Variants in NR1H3 observed in about 807,000 individuals in gnomAD.
NR1H3 encodes the protein nuclear receptor subfamily 1 group H member 3, also known as oxysterols receptor LXR-alpha.
Under a neutral mutation model 48.1 loss-of-function variants are expected in NR1H3, and 19 were observed. That is an observed-to-expected ratio of 0.40 (90% CI 0.28 to 0.58). The LOEUF is 0.58. NR1H3 is among the 20% of genes least tolerant of loss of function. The pLI is 0.50. For missense variants in NR1H3, 486 were observed against 595.9 expected (o/e 0.82, Z 1.92); for synonymous variants, 232 against 227.3 (o/e 1.02, Z -0.19).
chr11:47,254,366 T>A (rs562304484), upstream of NR1H3, among the ~76,000 whole-genome samples: 1 of 152,314 alleles, frequency 6.6e-6, no homozygotes, highest in South Asian at 2.1e-4. Context: ...CCTGCTGGGC[T>A]GGAGCTTCTG....
upstream of NR1H3, among the ~76,000 whole-genome samples, chr11:47,253,134 C>CGTGTGTGCGTGTGTGTGTGTGTGTGTGT (rs1554980524): frequency 6.8e-6 from 1 of 147,654 alleles, no homozygotes; most frequent in African/African-American, 2.5e-5. Flanking sequence ...AATTTTTGTG[C>CGTGTGTGCGTGTGTGTGTGTGTGTGTGT]GTGTGTGTGT....
intron 1 of NR1H3, among the ~76,000 whole-genome samples, chr11:47,252,095 T>C (rs897061108): frequency 1.3e-5 from 2 of 149,324 alleles, no homozygotes; most frequent in African/African-American, 2.4e-5. Flanking sequence ...TGTAGATAGA[T>C]GGATATGTGG....
At chr11:47,261,119 T>C in intron 4 of NR1H3, 122 bp from the exon 5 acceptor site, 1 of 708,154 alleles carries the variant, frequency 1.4e-6, no homozygotes, top group Admixed American at 2.9e-5. Flanking sequence ...CCCAGTGCTG[T>C]CTGCTTTTCT....
At chr11:47,253,777 G>A (rs1385670279), upstream of NR1H3, among the ~76,000 whole-genome samples, 3 of 152,224 alleles carry the variant, frequency 2.0e-5, no homozygotes, top group Non-Finnish European at 2.9e-5. Context: ...ATCCCCGAGT[G>A]TGTTCCCAGA....
rs367960126 is a variant in NR1H3, at chr11:47,261,344, A to C, written c.603A>C (p.Gln201His). 3 of 1,613,446 alleles carry C rather than the reference A, an allele frequency of 1.9e-6. No homozygotes were observed. Among genetic ancestry groups the C allele is most frequent in the African/African-American group, 2.7e-5 (2 of 74,816 alleles). Residue 201 changes from glutamine to histidine, a missense_variant, in exon 5 of 10, where the codon CAA becomes CAC. Transcript: ENST00000441012. ...SLPPRASSPP[Q>H]ILPQLSPEQL... ...CCCCCAGGGCTTCCTCACCCCCCCA[A>C]ATCCTGCCCCAGCTCAGCCCGGAAC...
In NR1H3 at chr11:47,261,671, T is replaced by G; in HGVS notation, c.833T>G (p.Phe278Cys). ...IVDFAKQLPG[F>C]LQLSREDQIA... Reference sequence around the variant, plus strand: ...GACTTTGCTAAACAGCTACCCGGCTTCCTGCAGCTCAGCCGGGAGGACCAG... The same window carrying G: ...GACTTTGCTAAACAGCTACCCGGCTGCCTGCAGCTCAGCCGGGAGGACCAG... The change falls in exon 6 of 10, where the codon TTC (phenylalanine) becomes TGC (cysteine). Residue 278 changes from phenylalanine (F) to cysteine (C), a missense_variant. Transcript: ENST00000441012. 1 of 1,614,188 alleles carries G rather than the reference T, an allele frequency of 6.2e-7. No individual in the cohort carries two copies. Among genetic ancestry groups the G allele is most frequent in the Non-Finnish European group, 8.5e-7 (1 of 1,180,036 alleles).
intron 1 of NR1H3, 159 bp from the exon 2 acceptor site, chr11:47,259,021 A>G: frequency 1.5e-6 from 2 of 1,307,684 alleles, no homozygotes; most frequent in East Asian, 2.6e-5. Flanking sequence ...TAAAAAACAT[A>G]ATAGTAATAT....
At chr11:47,259,121 G>T in intron 1 of NR1H3, 59 bp from the exon 2 acceptor site, 1 of 1,604,706 alleles carries the variant, frequency 6.2e-7, no homozygotes, top group South Asian at 1.1e-5. Context: ...GTGGAGAAGG[G>T]AGCTGAGGCC....
chr11:47,252,386 C>T (rs1158668992), intron 1 of NR1H3, among the ~76,000 whole-genome samples: 1 of 151,912 alleles, frequency 6.6e-6, no homozygotes. Flanking sequence ...CTCAGCCTCC[C>T]GAGTAGCTGG....
chr11:47,248,913 C>T (rs1312414792), upstream of NR1H3: 2 of 1,540,590 alleles, frequency 1.3e-6, no homozygotes. Flanking sequence ...ACTTAGGGAC[C>T]TGCTGGGGTG....
At chr11:47,259,029 T>C in intron 1 of NR1H3, 151 bp from the exon 2 acceptor site, 1 of 1,344,610 alleles carries the variant, frequency 7.4e-7, no homozygotes, top group Non-Finnish European at 9.9e-7. Context: ...ATAATAGTAA[T>C]ATAATAAAGC....
chr11:47,268,112 G>C (rs576209741), intron 8 of NR1H3, 86 bp downstream of exon 8: 1 of 1,200,694 alleles, frequency 8.3e-7, no homozygotes, highest in Admixed American at 1.8e-5. Context: ...GGGGAGGGGG[G>C]TGGTGGCTTG....
intron 1 of NR1H3, chr11:47,249,121 G>A: frequency 1.1e-6 from 1 of 949,106 alleles, no homozygotes; most frequent in Non-Finnish European, 1.5e-6. Context: ...CAGTGGGCGG[G>A]ACCATGTCTG....
intron 4 of NR1H3, 135 bp downstream of exon 4, chr11:47,260,810 C>T (rs1955763156): frequency 4.2e-6 from 5 of 1,200,624 alleles, no homozygotes; most frequent in South Asian, 1.6e-5. Flanking sequence ...CTTGACCGGG[C>T]GCGGTGGCTC....
At chr11:47,258,320 A>G in intron 1 of NR1H3, 191 bp downstream of exon 1, 2 of 468,338 alleles carry the variant, frequency 4.3e-6, no homozygotes, top group Non-Finnish European at 5.6e-6. Context: ...GAGGTCCTCT[A>G]TGTGAATTGG....
intron 3 of NR1H3, 58 bp from the exon 4 acceptor site, chr11:47,260,351 A>G (rs1406614833): frequency 3.4e-5 from 53 of 1,556,554 alleles, no homozygotes; most frequent in Non-Finnish European, 4.0e-5. Flanking sequence ...TGGCTGAGTC[A>G]GGGAGAACAT....
chr11:47,259,203 G>C lies in NR1H3; in HGVS notation c.-14G>C. The stretch of plus-strand genomic sequence containing the variant: ...AGGACAGTGCCTTGGTAATGACCAG[G>C]GCTCCAGGAAGAGATGTCCTTGTGG... On this transcript the variant is annotated 5_prime_UTR_variant, in exon 2 of 10. Coordinates refer to ENST00000441012, the MANE Select transcript of NR1H3 (RefSeq NM_005693.4). The C allele has an allele frequency of 6.2e-7, 1 of 1,614,142 alleles. No homozygotes were observed.
At chr11:47,268,434 A>G in intron 9 of NR1H3, 79 bp downstream of exon 9, 1 of 1,591,172 alleles carries the variant, frequency 6.3e-7, no homozygotes, top group South Asian at 1.1e-5. Context: ...TCCCTTCAAG[A>G]ATTTCTCTCT....
chr11:47,263,391 G>A (rs1382558385), intron 7 of NR1H3, among the ~76,000 whole-genome samples: 1 of 151,266 alleles, frequency 6.6e-6, no homozygotes, highest in Non-Finnish European at 1.5e-5. Context: ...CAGCCCCCAA[G>A]TAGGTGGGAC....
Sources: allele counts gnomAD v4.1 joint callset (sites outside exome capture counted in the v4.1 genomes callset), GRCh38; gene constraint gnomAD v4.1.1; transcripts MANE v1.5; gene names NCBI Gene and HGNC (gene_info 2026-07-23, HGNC 2026-07-21).